Variants in OR10K2 observed in about 807,000 individuals in gnomAD.
OR10K2 encodes the protein olfactory receptor family 10 subfamily K member 2, also known as olfactory receptor 10K2.
For missense variants in OR10K2, 401 were observed against 367.1 expected, an observed-to-expected ratio of 1.09 and a Z score of -0.76; for synonymous variants, 169 against 146.4, an observed-to-expected ratio of 1.15 and a Z score of -1.11.
rs765377784 is a variant in OR10K2, at chr1:158,420,063, T to C, written c.804A>G (p.Ser268=). The C allele has an allele frequency of 6.2e-7, 1 of 1,613,660 alleles. No homozygotes were observed. Among genetic ancestry groups the C allele is most frequent in the Non-Finnish European group, 8.5e-7 (1 of 1,179,804 alleles). ...ATACTGATATTAGAGCATCCTGGCT[T>C]GAGGAGTAGTTGGACTGAGGCCTTA... The part of the protein sequence containing the change: ...IYLRPQSNYS[S]SQDALISVSY... Residue 268 remains serine (S), a synonymous_variant, in exon 2 of 2, where the codon TCA becomes TCG. Coordinates refer to ENST00000641042, the MANE Select transcript of OR10K2 (RefSeq NM_001004476.2).
rs1475510942 is a variant in OR10K2 at position 158,418,731 on chromosome 1, A to G, written c.*1197T>C. ...ACTTTTATTGACAGGTGGATCTTGA[A>G]AAGAGTTATAATGTGAGAAATCATC... On this transcript the variant is annotated 3_prime_UTR_variant, in exon 2 of 2. Coordinates refer to ENST00000641042, the MANE Select transcript of OR10K2 (RefSeq NM_001004476.2). 6.6e-6 allele frequency: 1 copy of G among 152,178 alleles called. No homozygotes were observed. Among genetic ancestry groups the G allele is most frequent in the Non-Finnish European group, 1.5e-5 (1 of 68,018 alleles). 9.4% of individuals were successfully genotyped at this position (152,178 alleles called of 1,614,324 possible).
intron 1 of OR10K2, among the ~76,000 whole-genome samples, chr1:158,422,356 T>C (rs1456885035): frequency 6.6e-6 from 1 of 152,128 alleles, no homozygotes. Flanking sequence ...TATTTCTTTC[T>C]AGGCACAAGA....
chr1:158,422,121 T>C (rs61820480), intron 1 of OR10K2, among the ~76,000 whole-genome samples: 1,662 of 152,244 alleles, frequency 0.011, 18 homozygotes, highest in Non-Finnish European at 0.016. Context: ...TGAATTGTTC[T>C]TATATCTATT....
intron 1 of OR10K2, among the ~76,000 whole-genome samples, chr1:158,423,719 G>A (rs1048207316): frequency 5.3e-5 from 8 of 151,892 alleles, no homozygotes; most frequent in African/African-American, 1.9e-4. Context: ...ATTTTCTCAG[G>A]AAGAGAAAAT....
chr1:158,419,860 T>C lies in OR10K2; in HGVS notation c.*68A>G, dbSNP rs1655107314. 1 of 1,375,396 alleles carries C rather than the reference T, an allele frequency of 7.3e-7. No homozygotes were observed. Among genetic ancestry groups the C allele is most frequent in the Non-Finnish European group, 1.0e-6 (1 of 993,128 alleles). The allele number at this position is 1,375,396 out of a possible 1,614,324, so 85.2% of individuals were successfully genotyped here. ...GTCCTGACCTCAGGTGATCCACCTG[T>C]CTCAGCCTTCCAAAATGCTGGGATT... On this transcript the variant is annotated 3_prime_UTR_variant, in exon 2 of 2. Coordinates refer to ENST00000641042, the MANE Select transcript of OR10K2 (RefSeq NM_001004476.2).
Position 158,419,705 on chromosome 1 carries a change from G to T in OR10K2, c.*223C>A. ...TCTCACTGCAACCTTCTGCCTCCTG[G>T]GTTCAAGTGATTCTCCTGTCTCAGG... On this transcript the variant is annotated 3_prime_UTR_variant, in exon 2 of 2. Transcript: ENST00000641042. 1 of 434,918 alleles carries T rather than the reference G, an allele frequency of 2.3e-6. No homozygotes were observed. Among genetic ancestry groups the T allele is most frequent in the Non-Finnish European group, 4.2e-6 (1 of 239,950 alleles). 26.9% of individuals were successfully genotyped at this position (434,918 alleles called of 1,614,324 possible). A position where few individuals can be genotyped will look rare whatever the true frequency, so the allele number is the denominator to read the frequency against.
rs774542156 is a variant in OR10K2, at chr1:158,420,704, G to T, written c.163C>A (p.Leu55Ile). 1 of 1,613,686 alleles carries T rather than the reference G, an allele frequency of 6.2e-7. No homozygotes were observed. The highest frequency in any genetic ancestry group is 8.5e-7 in the Non-Finnish European group (1 of 1,179,868). The change falls in exon 2 of 2, where the codon CTT becomes ATT. Residue 55 changes from leucine to isoleucine, a missense_variant. Physicochemically the swap from Leu to Ile is conservative, Grantham distance 5. Coordinates refer to ENST00000641042, the MANE Select transcript of OR10K2 (RefSeq NM_001004476.2). The part of the protein sequence containing the change: ...IISTIVLDRA[L>I]HIPMYFFLAI... ...AGGAAGAAGTACATGGGGATATGAA[G>T]GGCCCTGTCCAGGACAATGGTGGAA...
chr1:158,420,435 T>C lies in OR10K2; in HGVS notation c.432A>G (p.Leu144=), dbSNP rs1557860692. 2.5e-6 allele frequency: 4 copies of C among 1,613,760 alleles called. No homozygotes were observed. The highest frequency in any genetic ancestry group is 3.4e-6 in the Non-Finnish European group (4 of 1,179,902). Residue 144 remains leucine (L), a synonymous_variant, in exon 2 of 2, where the codon CTA becomes CTG. Transcript: ENST00000641042. ...AGCCACAGGCACAGGCAGCAGCCAC[T>C]AGTCCCATACACACCCCATGTCCCA... ...VLMGHGVCMG[L]VAAACACGFT... is the part of the protein sequence containing the mutation.
Position 158,419,805 on chromosome 1 carries a change from T to C in OR10K2, c.*123A>G. 5.5e-6 allele frequency: 4 copies of C among 723,190 alleles called. No homozygotes were observed. Among genetic ancestry groups the C allele is most frequent in the Non-Finnish European group, 9.2e-6 (4 of 435,718 alleles). The allele number at this position is 723,190 out of a possible 1,614,324, so 44.8% of individuals were successfully genotyped here. On this transcript the variant is annotated 3_prime_UTR_variant, in exon 2 of 2. Transcript: ENST00000641042. ...TGTATATTTTTTGGTAGAGATAGGA[T>C]TTCACTATGTTGGCCAGGCTGGTCT...
In OR10K2 at chr1:158,419,851, A is replaced by G. The variant is rs1655107200; in HGVS notation, c.*77T>C. On this transcript the variant is annotated 3_prime_UTR_variant, in exon 2 of 2. Coordinates refer to ENST00000641042, the MANE Select transcript of OR10K2 (RefSeq NM_001004476.2). ...GGTCTTGAAGTCCTGACCTCAGGTG[A>G]TCCACCTGTCTCAGCCTTCCAAAAT... 2.4e-6 allele frequency: 3 copies of G among 1,241,364 alleles called. No homozygotes were observed. Among genetic ancestry groups the G allele is most frequent in the East Asian group, 4.8e-5 (2 of 41,950 alleles). The allele number at this position is 1,241,364 out of a possible 1,614,324, so 76.9% of individuals were successfully genotyped here.
At chr1:158,424,366 CA>C (rs113662956) in intron 1 of OR10K2, among the ~76,000 whole-genome samples, 13 of 151,912 alleles carry the variant, frequency 8.6e-5, no homozygotes, top group African/African-American at 3.1e-4. Context: ...AACAAGTAGA[CA>C]AAAACAAAGA....
intron 1 of OR10K2, among the ~76,000 whole-genome samples, chr1:158,424,922 T>C (rs1166240445): frequency 6.6e-6 from 1 of 152,084 alleles, no homozygotes; most frequent in African/African-American, 2.4e-5. Flanking sequence ...TGTAATGCGG[T>C]TCATTCATTC....
chr1:158,419,629 T>TG lies in OR10K2; in HGVS notation c.*298_*299insC, dbSNP rs1170698708. ...AATCAAGATTTTTTTTTTTTTTTTT[T>TG]TTTGAGACAGAGTCTTACTCTGTCG... On this transcript the variant is annotated 3_prime_UTR_variant, in exon 2 of 2. Transcript: ENST00000641042. 2 of 173,066 alleles carry TG rather than the reference T, an allele frequency of 1.2e-5. No individual in the cohort carries two copies. Among genetic ancestry groups the TG allele is most frequent in the African/African-American group, 2.4e-5 (1 of 41,726 alleles). 10.7% of individuals were successfully genotyped at this position (173,066 alleles called of 1,614,324 possible). A position where few individuals can be genotyped will look rare whatever the true frequency, so the allele number is the denominator to read the frequency against.
chr1:158,420,315 G>A lies in OR10K2; in HGVS notation c.552C>T (p.Val184=). The change falls in exon 2 of 2, where the codon GTC becomes GTT. Residue 184 remains valine, a synonymous_variant. Transcript: ENST00000641042. ...GGTTATGGTGAGATGCCAGCTTGAGGACAGGAGCAATGTCACAGAAGAAGT... is the reference window on the plus strand; with the variant it reads ...GGTTATGGTGAGATGCCAGCTTGAGAACAGGAGCAATGTCACAGAAGAAGT... ...LHHFFCDIAP[V]LKLASHHNHF... 1.2e-6 allele frequency: 2 copies of A among 1,613,850 alleles called. No homozygotes were observed. The highest frequency in any genetic ancestry group is 1.7e-5 in the Admixed American group (1 of 59,934).
intron 1 of OR10K2, among the ~76,000 whole-genome samples, chr1:158,423,050 T>G (rs76670631): frequency 0.055 from 8,408 of 151,984 alleles, 319 homozygotes; most frequent in South Asian, 0.12. Flanking sequence ...TCTAAAACTT[T>G]TAATCTAAAT....
Position 158,420,277 on chromosome 1 carries a change from A to G in OR10K2, c.590T>C (p.Ile197Thr). The change falls in exon 2 of 2, where the codon ATT becomes ACT. Residue 197 changes from isoleucine to threonine, a missense_variant. Ile to Thr is a moderately conservative substitution (Grantham distance 89). Coordinates refer to ENST00000641042, the MANE Select transcript of OR10K2 (RefSeq NM_001004476.2). ...CAATGTACAGAGCATGAAGATGACAATCTGACTAAAGTGGTTATGGTGAGA... is the reference window on the plus strand; with the variant it reads ...CAATGTACAGAGCATGAAGATGACAGTCTGACTAAAGTGGTTATGGTGAGA... ...LASHHNHFSQ[I>T]VIFMLCTLVL... The G allele has an allele frequency of 6.2e-7, 1 of 1,613,860 alleles. No individual in the cohort carries two copies. Among genetic ancestry groups the G allele is most frequent in the Non-Finnish European group, 8.5e-7 (1 of 1,179,902 alleles).
chr1:158,420,558 G>A lies in OR10K2; in HGVS notation c.309C>T (p.Ser103=), dbSNP rs191673533. The A allele has an allele frequency of 5.2e-4, 847 of 1,613,908 alleles. 5 individuals are homozygous for A. The Admixed American group carries it at 8.9e-3, about 17-fold the overall frequency. ...AGTGAGAGCAGCCAAGGAAGAGGAA[G>A]GAAAACATTTGGATGGCACAGCCCA... ...SFLGCAIQMF[S]FLFLGCSHSF... Residue 103 remains serine (S), a synonymous_variant, in exon 2 of 2, where the codon TCC becomes TCT. Transcript: ENST00000641042.
intron 1 of OR10K2, among the ~76,000 whole-genome samples, chr1:158,424,308 A>G (rs1291867465): frequency 6.6e-6 from 1 of 152,054 alleles, no homozygotes; most frequent in African/African-American, 2.4e-5. Context: ...GTTTCCTTAC[A>G]ATAAACTTCA....
chr1:158,425,048 G>A (rs1218312106), intron 1 of OR10K2, among the ~76,000 whole-genome samples: 1 of 152,062 alleles, frequency 6.6e-6, no homozygotes, highest in Non-Finnish European at 1.5e-5. Context: ...GAATTGAAAA[G>A]GGGCAGAGAG....
Sources: allele counts gnomAD v4.1 joint callset (sites outside exome capture counted in the v4.1 genomes callset), GRCh38; gene constraint gnomAD v4.1.1; transcripts MANE v1.5; gene names NCBI Gene and HGNC (gene_info 2026-07-23, HGNC 2026-07-21).